Variants in ZFX observed in about 807,000 individuals in gnomAD.
ZFX encodes the protein zinc finger X-chromosomal protein.
For synonymous variants in ZFX, 196 were observed against 226.8 expected (o/e 0.86, Z 1.22); for missense variants, 362 against 628.3 (o/e 0.58, Z 4.53).
intron 2 of ZFX, among the ~76,000 whole-genome samples, chrX:24,152,235 A>G (rs1932261409): frequency 9.2e-6 from 1 of 108,890 alleles, no homozygotes. Context: ...TCCCGGGTTC[A>G]AGTAATTCTC....
chrX:24,212,706 T>C lies in ZFX; in HGVS notation c.*1330T>C, dbSNP rs1335369320. On this transcript the variant is annotated 3_prime_UTR_variant, in exon 10 of 10. Coordinates refer to ENST00000304543, the MANE Select transcript of ZFX (RefSeq NM_003410.4). Reference sequence around the variant, plus strand: ...TGGACCAGAGAACGGGTGCTAATTATGACTTCACACTCGGCAAGTTCAGGC... The same window carrying C: ...TGGACCAGAGAACGGGTGCTAATTACGACTTCACACTCGGCAAGTTCAGGC... The C allele has an allele frequency of 2.7e-5, 3 of 112,195 alleles. No individual in the cohort carries two copies. The highest frequency in any genetic ancestry group is 9.7e-5 in the African/African-American group (3 of 30,787). The allele number at this position is 112,195 out of a possible 1,213,427, so 9.2% of individuals were successfully genotyped here. A position where few individuals can be genotyped will look rare whatever the true frequency, so the allele number is the denominator to read the frequency against.
At chrX:24,209,081 G>C in intron 9 of ZFX, 41 bp downstream of exon 9, 1 of 1,211,200 alleles carries the variant, frequency 8.3e-7, no homozygotes, top group South Asian at 1.8e-5. Context: ...TGCTCTGCGA[G>C]CTCTCAGAGG....
rs1184787827 is a variant in ZFX, at chrX:24,212,872, G to A, written c.*1496G>A. On this transcript the variant is annotated 3_prime_UTR_variant, in exon 10 of 10. Coordinates refer to ENST00000304543, the MANE Select transcript of ZFX (RefSeq NM_003410.4). ...TTGGAACATCACTAAGTCTTCCACA[G>A]GTTTTTTGTTTGTTTGTTTTTTTTT... 1 of 108,743 alleles carries A rather than the reference G, an allele frequency of 9.2e-6. No homozygotes were observed. Among genetic ancestry groups the A allele is most frequent in the Non-Finnish European group, 1.9e-5 (1 of 52,086 alleles). 9.0% of individuals were successfully genotyped at this position (108,743 alleles called of 1,213,427 possible). A position where few individuals can be genotyped will look rare whatever the true frequency, so the allele number is the denominator to read the frequency against.
chrX:24,163,151 C>T (rs1416963162), intron 3 of ZFX, among the ~76,000 whole-genome samples: 1 of 104,871 alleles, frequency 9.5e-6, no homozygotes, highest in Non-Finnish European at 1.9e-5. Flanking sequence ...TTTTTTTGAC[C>T]TATTAATTTG....
chrX:24,172,617 C>T (rs1934733282), intron 3 of ZFX, 98 bp from the exon 4 acceptor site: 2 of 573,637 alleles, frequency 3.5e-6, no homozygotes, highest in East Asian at 7.9e-5. Flanking sequence ...TTATCTTTCA[C>T]ATAATTTGAG....
At chrX:24,167,712 G>A (rs1235567871) in intron 3 of ZFX, among the ~76,000 whole-genome samples, 1 of 112,336 alleles carries the variant, frequency 8.9e-6, no homozygotes, top group African/African-American at 3.2e-5. Flanking sequence ...CTCTGAGAGT[G>A]TAGTAGAAAG....
chrX:24,180,821 A>G (rs1935621462), intron 5 of ZFX, among the ~76,000 whole-genome samples: 1 of 112,523 alleles, frequency 8.9e-6, no homozygotes, highest in African/African-American at 3.2e-5. Flanking sequence ...CATGGTATCA[A>G]GTATGATGGA....
At chrX:24,180,963 T>C (rs761945368) in intron 5 of ZFX, among the ~76,000 whole-genome samples, 26 of 112,468 alleles carry the variant, frequency 2.3e-4, no homozygotes, top group Non-Finnish European at 4.9e-4. Flanking sequence ...GATAAAATTC[T>C]AGATTGGCTA....
At chrX:24,188,089 T>C (rs1031951985) in intron 5 of ZFX, among the ~76,000 whole-genome samples, 16 of 109,404 alleles carry the variant, frequency 1.5e-4, no homozygotes, top group African/African-American at 5.3e-4. Context: ...GGAGAATCGT[T>C]CGAATACGGG....
chrX:24,182,320 G>A (rs1215872469), intron 5 of ZFX, among the ~76,000 whole-genome samples: 1 of 111,586 alleles, frequency 9.0e-6, no homozygotes, highest in Non-Finnish European at 1.9e-5. Context: ...TATCATATAT[G>A]GAAATGGATG....
intron 5 of ZFX, among the ~76,000 whole-genome samples, chrX:24,206,791 C>G (rs1937611699): frequency 9.1e-6 from 1 of 110,308 alleles, no homozygotes; most frequent in African/African-American, 3.3e-5. Context: ...TTACAGTTTT[C>G]TAGGCTACCA....
intron 5 of ZFX, among the ~76,000 whole-genome samples, chrX:24,183,800 TCGGCTCACTGCAACCTCCACCC>T (rs202041823): frequency 0.43 from 44,030 of 103,581 alleles, 7,667 homozygotes; most frequent in South Asian, 0.77. Context: ...TGGCTCCACC[TCGGCTCACTGCAACCTCCACCC>T]CGGCTCACTG....
At chrX:24,164,594 CAAGG>C (rs1933812882) in intron 3 of ZFX, among the ~76,000 whole-genome samples, 1 of 111,274 alleles carries the variant, frequency 9.0e-6, no homozygotes, top group Admixed American at 9.6e-5. Context: ...TGATCAGTGA[CAAGG>C]GAGTTGGCAA....
chrX:24,157,599 G>A (rs781445088), intron 3 of ZFX, among the ~76,000 whole-genome samples: 1 of 111,895 alleles, frequency 8.9e-6, no homozygotes, highest in East Asian at 2.8e-4. Flanking sequence ...CAAAGTGGGT[G>A]TCTGCCTTGA....
At position 24,207,881 on chromosome X, in the gene ZFX, GA is replaced by G. The variant is rs139696580; in HGVS notation, c.940+30del. On this transcript the variant is annotated intron_variant, in intron 7 of 9. Transcript: ENST00000304543. ...GTAAGTAGGTGGCCTTTTTGTGGGAGAAAATTTTATGTTTCTGGAGCTTTTA... is the reference window on the plus strand; with the variant it reads ...GTAAGTAGGTGGCCTTTTTGTGGGAGAAATTTTATGTTTCTGGAGCTTTTA... The G allele has an allele frequency of 1.6e-5, 19 of 1,202,230 alleles. 1 individual carries two copies. The South Asian group carries it at 3.3e-4, about 21-fold the overall frequency.
chrX:24,172,287 T>C (rs1282113467), intron 3 of ZFX, among the ~76,000 whole-genome samples: 1 of 112,304 alleles, frequency 8.9e-6, no homozygotes, highest in Non-Finnish European at 1.9e-5. Context: ...GAATGTATTT[T>C]AAGTTGAATC....
At chrX:24,176,955 C>T (rs999322403) in intron 4 of ZFX, among the ~76,000 whole-genome samples, 3 of 110,863 alleles carry the variant, frequency 2.7e-5, no homozygotes, top group Admixed American at 9.6e-5. Flanking sequence ...ATTATTGAGA[C>T]GGAGTCTTGC....
chrX:24,171,443 T>C (rs142695764), intron 3 of ZFX, among the ~76,000 whole-genome samples: 1 of 110,667 alleles, frequency 9.0e-6, no homozygotes, highest in East Asian at 2.8e-4. Context: ...GGGGAGATGA[T>C]GATGGGAAGG....
At chrX:24,197,714 T>C (rs779566806) in intron 5 of ZFX, among the ~76,000 whole-genome samples, 24 of 112,219 alleles carry the variant, frequency 2.1e-4, no homozygotes, top group Non-Finnish European at 4.5e-4. Context: ...AAGCAAATCA[T>C]AATCATACTG....
Sources: gnomAD v4.1 joint callset for allele counts (sites outside exome capture counted in the v4.1 genomes callset) on GRCh38, gnomAD v4.1.1 for gene constraint, MANE v1.5 for transcripts, NCBI Gene and HGNC (gene_info 2026-07-23, HGNC 2026-07-21) for gene names.